Variants in CPS1 observed in about 807,000 individuals in gnomAD.
CPS1 encodes carbamoyl-phosphate synthase 1, also known as carbamoyl-phosphate synthase [ammonia], mitochondrial.
Under a neutral mutation model 174.6 loss-of-function variants are expected in CPS1, and 109 were observed. The ratio of observed to expected loss-of-function variants is 0.62; its 90% CI spans 0.53 to 0.73. The LOEUF (loss-of-function observed/expected upper bound fraction) is 0.73. Among genes scored for constraint, CPS1 ranks in the 30% least tolerant of loss-of-function variants. The pLI is 0.00. For missense variants in CPS1, 1,689 were observed against 1,821.9 expected (o/e 0.93, Z 1.33); for synonymous variants, 637 against 632.0 (o/e 1.01, Z -0.12).
intron 26 of CPS1, 135 bp from the exon 27 acceptor site, chr2:210,648,338 G>A: frequency 2.7e-6 from 2 of 746,728 alleles, no homozygotes; most frequent in East Asian, 5.3e-5. Flanking sequence ...ATGTATTTCA[G>A]TGTCCAATTT....
chr2:210,511,071 C>G (rs990355743), intron 1 of CPS1, among the ~76,000 whole-genome samples: 2 of 152,126 alleles, frequency 1.3e-5, no homozygotes, highest in Admixed American at 1.3e-4. Context: ...GCTATAAAGA[C>G]ACATGCACAC....
At chr2:210,560,823 T>A (rs1697073609) in intron 1 of CPS1, among the ~76,000 whole-genome samples, 1 of 152,126 alleles carries the variant, frequency 6.6e-6, no homozygotes, top group South Asian at 2.1e-4. Flanking sequence ...TCTGTACACG[T>A]TAGATGTAAG....
intron 1 of CPS1, among the ~76,000 whole-genome samples, chr2:210,561,439 T>A (rs1231992114): frequency 6.6e-6 from 1 of 152,182 alleles, no homozygotes; most frequent in Non-Finnish European, 1.5e-5. Flanking sequence ...TTTCTGACGA[T>A]CTAGAGGTGA....
chr2:210,547,816 G>C (rs1176633864), intron 1 of CPS1, among the ~76,000 whole-genome samples: 1 of 151,962 alleles, frequency 6.6e-6, no homozygotes, highest in African/African-American at 2.4e-5. Context: ...CAAATTTGGA[G>C]CACTACATAT....
intron 25 of CPS1, among the ~76,000 whole-genome samples, chr2:210,645,644 G>A (rs887005019): frequency 6.6e-6 from 1 of 152,090 alleles, no homozygotes; most frequent in Non-Finnish European, 1.5e-5. Flanking sequence ...TTAGCTGGGC[G>A]TGGTGGTGCA....
intron 5 of CPS1, among the ~76,000 whole-genome samples, chr2:210,580,053 G>A (rs892266660): frequency 6.6e-6 from 1 of 152,086 alleles, no homozygotes; most frequent in Non-Finnish European, 1.5e-5. Context: ...ACAAGTCAAG[G>A]AATTTATAAT....
At chr2:210,673,534 T>C (rs1701391864) in intron 34 of CPS1, 1 of 152,124 alleles carries the variant, frequency 6.6e-6, no homozygotes, top group Non-Finnish European at 1.5e-5. Flanking sequence ...GGGAAGCCTG[T>C]GTGGAAATGA....
intron 7 of CPS1, among the ~76,000 whole-genome samples, chr2:210,588,934 C>T (rs994727405): frequency 2.6e-5 from 4 of 152,070 alleles, no homozygotes; most frequent in Non-Finnish European, 5.9e-5. Flanking sequence ...ATCTCAATCT[C>T]AAGTTACCAT....
At chr2:210,495,612 T>C (rs1288637893) in intron 1 of CPS1, among the ~76,000 whole-genome samples, 1 of 152,226 alleles carries the variant, frequency 6.6e-6, no homozygotes, top group African/African-American at 2.4e-5. Context: ...TTCATTCCAG[T>C]TGAGGAAAAT....
chr2:210,645,756 G>A (rs1285753115), intron 25 of CPS1, among the ~76,000 whole-genome samples: 8 of 152,152 alleles, frequency 5.3e-5, no homozygotes, highest in African/African-American at 1.4e-4. Context: ...GCACTCCAGC[G>A]TTCATGTACA....
intron 1 of CPS1, among the ~76,000 whole-genome samples, chr2:210,512,881 TATATATATGGAG>T (rs1695548067): frequency 1.3e-5 from 1 of 77,422 alleles, no homozygotes; most frequent in East Asian, 3.7e-4. Context: ...TATATAGAGA[TATATATATGGAG>T]ATATATATAT....
At chr2:210,539,818 A>G (rs1278614820) in intron 1 of CPS1, among the ~76,000 whole-genome samples, 4 of 152,028 alleles carry the variant, frequency 2.6e-5, no homozygotes, top group African/African-American at 9.7e-5. Flanking sequence ...CAGGCTTCTT[A>G]ATTCTTCCTG....
intron 1 of CPS1, among the ~76,000 whole-genome samples, chr2:210,523,239 C>G (rs1695875557): frequency 6.6e-6 from 1 of 151,996 alleles, no homozygotes; most frequent in Non-Finnish European, 1.5e-5. Context: ...TTCTTTGCTG[C>G]CTTAAACCAG....
chr2:210,595,481 T>A lies in CPS1; in HGVS notation c.1264-6T>A, dbSNP rs1231132279. 6.2e-7 allele frequency: 1 copy of A among 1,601,184 alleles called. No individual in the cohort carries two copies. The highest frequency in any genetic ancestry group is 1.1e-5 in the South Asian group (1 of 90,806). ...AATAACAGTGTCTTTTTCTTATTGC[T>A]TATAGGTTTCCAAAGTCCTTATTCT... is the stretch of plus-strand genomic sequence containing the variant. On this transcript the variant is annotated splice_polypyrimidine_tract_variant and splice_region_variant and intron_variant, in intron 12 of 37. Coordinates refer to ENST00000233072, the MANE Select transcript of CPS1 (RefSeq NM_001875.5).
intron 11 of CPS1, 107 bp downstream of exon 11, chr2:210,593,063 C>T: frequency 2.0e-6 from 2 of 996,704 alleles, no homozygotes; most frequent in East Asian, 2.4e-5. Flanking sequence ...GCAGAACATT[C>T]TCAAGAAGAG....
intron 1 of CPS1, among the ~76,000 whole-genome samples, chr2:210,490,697 G>C (rs1694854141): frequency 6.6e-6 from 1 of 152,182 alleles, no homozygotes; most frequent in Non-Finnish European, 1.5e-5. Context: ...AGGGCTATAA[G>C]TAACAAAAGG....
Position 210,573,280 on chromosome 2 carries a change from A to G in CPS1, c.127-18A>G, listed in dbSNP as rs769565947. On this transcript the variant is annotated intron_variant, in intron 1 of 37. Transcript: ENST00000233072. ...TGTATTATGTATTCTGCTAAGATTC[A>G]TGCAACTGTTTCTTCAGGCACAGAC... The G allele has an allele frequency of 1.3e-6, 2 of 1,594,240 alleles. No individual in the cohort carries two copies. The highest frequency in any genetic ancestry group is 8.6e-7 in the Non-Finnish European group (1 of 1,161,890).
chr2:210,517,860 C>T (rs3915695), intron 1 of CPS1, among the ~76,000 whole-genome samples: 91,495 of 151,734 alleles, frequency 0.6, 28,147 homozygotes, highest in South Asian at 0.68. Flanking sequence ...GCCAACCAAA[C>T]GGTCATCCAA....
chr2:210,585,884 C>T (rs1352485955), intron 6 of CPS1, among the ~76,000 whole-genome samples: 1 of 151,578 alleles, frequency 6.6e-6, no homozygotes, highest in East Asian at 2.0e-4. Context: ...TGTGACAAAA[C>T]CTTGTCATTG....
Sources: allele counts gnomAD v4.1 joint callset (sites outside exome capture counted in the v4.1 genomes callset), GRCh38; gene constraint gnomAD v4.1.1; transcripts MANE v1.5; gene names NCBI Gene and HGNC (gene_info 2026-07-23, HGNC 2026-07-21).